Variants in TOP1 observed in about 807,000 individuals in gnomAD.
TOP1 encodes DNA topoisomerase I.
A neutral mutation model predicts 111.1 loss-of-function variants in TOP1; 10 were observed. That is an observed-to-expected ratio of 0.09 (90% CI 0.06 to 0.15). TOP1 has a LOEUF of 0.15. Ranked by LOEUF, TOP1 falls within the 10% of genes least tolerant of loss-of-function variation. The probability of loss-of-function intolerance (pLI) is 1.00; values close to 1 mark genes in which losing one functional copy is unlikely to be tolerated. For synonymous variants in TOP1, 271 were observed against 302.9 expected, an observed-to-expected ratio of 0.89 and a Z score of 1.10; for missense variants, 474 against 926.7, an observed-to-expected ratio of 0.51 and a Z score of 6.34.
At chr20:41,064,147 G>A (rs1018487516) in intron 3 of TOP1, among the ~76,000 whole-genome samples, 12 of 152,204 alleles carry the variant, frequency 7.9e-5, no homozygotes, top group Middle Eastern at 3.4e-3. Context: ...AGTTATCCTA[G>A]CATCATTTAT....
intron 3 of TOP1, among the ~76,000 whole-genome samples, chr20:41,065,236 G>C (rs1460257327): frequency 2.0e-5 from 3 of 152,144 alleles, no homozygotes; most frequent in Admixed American, 2.0e-4. Context: ...TTCAGGCTTA[G>C]TATGGTACCT....
At chr20:41,090,563 C>T (rs923451967) in intron 8 of TOP1, among the ~76,000 whole-genome samples, 6 of 152,086 alleles carry the variant, frequency 3.9e-5, no homozygotes, top group African/African-American at 1.2e-4. Flanking sequence ...AGTGCAGTCA[C>T]GTGATCTCGG....
rs2033673090 is a variant in TOP1, at chr20:41,071,900, C to T, written c.156-4271C>T. ...ATGCCCATGGGGTAAATTCATATTT[C>T]ATCCATAAGTGTGACCATTGCAGAA... On this transcript the variant is annotated intron_variant, in intron 3 of 20. Coordinates refer to ENST00000361337, the MANE Select transcript of TOP1 (RefSeq NM_003286.4). The surrounding 1 kb of genome is among the most constrained non-coding windows in gnomAD (Gnocchi z 4.3). 6.6e-6 allele frequency among the ~76,000 whole-genome samples: 1 copy of T among 152,154 alleles called. No individual in the cohort carries two copies. The highest frequency in any genetic ancestry group is 2.4e-5 in the African/African-American group (1 of 41,430).
At chr20:41,062,536 A>T (rs375637364) in intron 3 of TOP1, among the ~76,000 whole-genome samples, 2 of 152,238 alleles carry the variant, frequency 1.3e-5, no homozygotes, top group South Asian at 2.1e-4. Context: ...TAATCTCAGT[A>T]GTTGAATCTA....
chr20:41,042,732 TTAAC>T (rs1254516430), intron 2 of TOP1, among the ~76,000 whole-genome samples: 5 of 152,286 alleles, frequency 3.3e-5, no homozygotes, highest in African/African-American at 7.2e-5. Flanking sequence ...CCTCGAAAAC[TTAAC>T]TAATAGCCTA....
intron 8 of TOP1, among the ~76,000 whole-genome samples, chr20:41,089,020 C>CT (rs59200685): frequency 0.05 from 3,857 of 77,676 alleles, 515 homozygotes; most frequent in African/African-American, 0.097. Flanking sequence ...TGCCCCAGTT[C>CT]TTTTTTTTTT....
chr20:41,103,864 CT>C (rs542045133), intron 13 of TOP1, among the ~76,000 whole-genome samples: 117 of 152,048 alleles, frequency 7.7e-4, no homozygotes, highest in African/African-American at 2.7e-3. Context: ...TAAATGTTAA[CT>C]CTTCAGAAAG....
intron 8 of TOP1, among the ~76,000 whole-genome samples, chr20:41,086,698 C>G (rs2033853196): frequency 6.6e-6 from 1 of 152,158 alleles, no homozygotes. Context: ...CAGACCATGA[C>G]TTTTGGTTTT....
chr20:41,103,969 A>T (rs1298363796), intron 13 of TOP1, among the ~76,000 whole-genome samples: 1 of 152,028 alleles, frequency 6.6e-6, no homozygotes, highest in African/African-American at 2.4e-5. Flanking sequence ...CAGCAGTGTA[A>T]ATCTACTGGT....
chr20:41,090,903 T>G (rs2033912482), intron 8 of TOP1, among the ~76,000 whole-genome samples: 1 of 152,254 alleles, frequency 6.6e-6, no homozygotes, highest in Admixed American at 6.5e-5. Context: ...CTATGTTGTC[T>G]TCTAAGAGTT....
chr20:41,097,569 G>A lies in TOP1; in HGVS notation c.852+228G>A, dbSNP rs1398689872. Among the ~76,000 whole-genome samples, 1 of 152,172 alleles carries A rather than the reference G, an allele frequency of 6.6e-6. No individual in the cohort carries two copies. The highest frequency in any genetic ancestry group is 2.4e-5 in the African/African-American group (1 of 41,442). ...ATTGGCTCTCATGTGATGGCAGGTA[G>A]GTGGGGGTTATCAGATTAGGCCAAA... On this transcript the variant is annotated intron_variant, in intron 10 of 20. Coordinates refer to ENST00000361337, the MANE Select transcript of TOP1 (RefSeq NM_003286.4). This position sits in a 1 kb window ranked among gnomAD's most constrained non-coding sequence, Gnocchi z 4.2.
chr20:41,100,460 A>G lies in TOP1; in HGVS notation c.1163+217A>G, dbSNP rs1262326294. Among the ~76,000 whole-genome samples the G allele has an allele frequency of 6.6e-6, 1 of 152,098 alleles. No individual in the cohort carries two copies. The highest frequency in any genetic ancestry group is 1.5e-5 in the Non-Finnish European group (1 of 68,016). ...CCAAGACCCCCAGTGGATGCCTGCA[A>G]CTTCGACCCAATTGCTGTCACTTGG... On this transcript the variant is annotated intron_variant, in intron 12 of 20. Coordinates refer to ENST00000361337, the MANE Select transcript of TOP1 (RefSeq NM_003286.4). The surrounding 1 kb of genome is among the most constrained non-coding windows in gnomAD (Gnocchi z 4.4).
At position 41,097,187 on chromosome 20, in the gene TOP1, T is replaced by A; in HGVS notation, c.731-33T>A. 1 of 1,608,890 alleles carries A rather than the reference T, an allele frequency of 6.2e-7. No homozygotes were observed. The highest frequency in any genetic ancestry group is 8.5e-7 in the Non-Finnish European group (1 of 1,178,490). ...ATTTATGCTTAGAACATGAATACTA[T>A]ACCTCACTTTTTGGAACCACTTTTT... On this transcript the variant is annotated intron_variant, in intron 9 of 20. Transcript: ENST00000361337. This position sits in a 1 kb window ranked among gnomAD's most constrained non-coding sequence, Gnocchi z 4.2.
At chr20:41,041,102 C>G (rs1209281936) in intron 2 of TOP1, among the ~76,000 whole-genome samples, 1 of 152,108 alleles carries the variant, frequency 6.6e-6, no homozygotes, top group Non-Finnish European at 1.5e-5. Flanking sequence ...AGTGTAACCA[C>G]TTTTCTCTGA....
Position 41,061,282 on chromosome 20 carries a change from C to T in TOP1, c.59-112C>T. On this transcript the variant is annotated intron_variant, in intron 2 of 20. Transcript: ENST00000361337. This position sits in a 1 kb window ranked among gnomAD's most constrained non-coding sequence, Gnocchi z 4.6. ...TTTTTCAGTGGCATGTGCTATTATGCCTACCATGCCATTTGAATCCTGTCA... is the reference window on the plus strand; with the variant it reads ...TTTTTCAGTGGCATGTGCTATTATGTCTACCATGCCATTTGAATCCTGTCA... 4 of 989,980 alleles carry T rather than the reference C, an allele frequency of 4.0e-6. No individual in the cohort carries two copies. The highest frequency in any genetic ancestry group is 3.5e-5 in the South Asian group (2 of 57,766). The allele number at this position is 989,980 out of a possible 1,614,324, so 61.3% of individuals were successfully genotyped here. A position where few individuals can be genotyped will look rare whatever the true frequency, so the allele number is the denominator to read the frequency against.
chr20:41,084,525 A>T lies in TOP1; in HGVS notation c.571A>T (p.Lys191Ter). ...TAAAAAAGTTCCTGAGCCAGATAACAAGAAAAAGAAGCCGAAGAAAGAAGA... is the reference window on the plus strand; with the variant it reads ...TAAAAAAGTTCCTGAGCCAGATAACTAGAAAAAGAAGCCGAAGAAAGAAGA... ...KDKKVPEPDN[K>*]KKKPKKEEEQ... is the part of the protein sequence containing the mutation. Residue 191 changes from lysine to a stop codon, truncating the protein, a stop_gained, in exon 8 of 21, where the codon AAG becomes TAG. Coordinates refer to ENST00000361337, the MANE Select transcript of TOP1 (RefSeq NM_003286.4). LOFTEE classifies it high-confidence loss of function. 1 of 1,578,530 alleles carries T rather than the reference A, an allele frequency of 6.3e-7. No individual in the cohort carries two copies. Among genetic ancestry groups the T allele is most frequent in the Non-Finnish European group, 8.6e-7 (1 of 1,160,576 alleles).
At chr20:41,104,405 G>A (rs943085636) in intron 13 of TOP1, among the ~76,000 whole-genome samples, 8 of 152,180 alleles carry the variant, frequency 5.3e-5, no homozygotes, top group African/African-American at 1.9e-4. Context: ...ATGGCAATGG[G>A]GATGGAGAGA....
intron 2 of TOP1, among the ~76,000 whole-genome samples, chr20:41,057,054 T>C (rs1020637481): frequency 3.3e-5 from 5 of 151,350 alleles, no homozygotes; most frequent in African/African-American, 9.7e-5. Context: ...TTGCCTGAGC[T>C]CAGGAGTTCG....
intron 3 of TOP1, among the ~76,000 whole-genome samples, chr20:41,070,015 C>G (rs1008479945): frequency 3.3e-5 from 5 of 152,016 alleles, no homozygotes; most frequent in Admixed American, 2.6e-4. Flanking sequence ...TGGCTTGAGG[C>G]AAAACTATTA....
Sources: gnomAD v4.1 joint callset for allele counts (sites outside exome capture counted in the v4.1 genomes callset) on GRCh38, gnomAD v4.1.1 for gene constraint, Gnocchi (gnomAD v3.1) non-coding constraint, MANE v1.5 for transcripts, NCBI Gene and HGNC (gene_info 2026-07-23, HGNC 2026-07-21) for gene names.